DOCK11: variants seen among roughly 807,000 people sequenced by gnomAD.
DOCK11 encodes dedicator of cytokinesis protein 11.
In DOCK11, 70 loss-of-function variants were observed where a neutral mutation model predicts 169.1. That is an observed-to-expected ratio of 0.41 (90% confidence interval 0.34 to 0.51). The LOEUF is 0.51. DOCK11 is among the 20% of genes least tolerant of loss of function. The pLI is 0.10. For synonymous variants in DOCK11, 529 were observed against 541.3 expected (o/e 0.98, Z 0.32); for missense variants, 1,166 against 1,538.8 (o/e 0.76, Z 4.05).
chrX:118,606,315 C>T (rs774653606), intron 24 of DOCK11, among the ~76,000 whole-genome samples: 17 of 111,464 alleles, frequency 1.5e-4, no homozygotes, highest in East Asian at 8.4e-4. Context: ...GCGATCCATC[C>T]GCCTCGGCCT....
chrX:118,647,139 ATG>A (rs200211345), intron 40 of DOCK11, among the ~76,000 whole-genome samples: 15,440 of 84,930 alleles, frequency 0.18, 1,370 homozygotes, highest in East Asian at 0.24. Context: ...TGAAGAGGAT[ATG>A]TGTGTGTGTG....
At chrX:118,551,021 C>T (rs2012474910) in intron 6 of DOCK11, among the ~76,000 whole-genome samples, 1 of 111,763 alleles carries the variant, frequency 8.9e-6, no homozygotes, top group African/African-American at 3.3e-5. Flanking sequence ...GAGTTCCCTG[C>T]CCGCTAGGAA....
At chrX:118,531,567 T>A (rs866458793) in intron 1 of DOCK11, among the ~76,000 whole-genome samples, 1 of 106,527 alleles carries the variant, frequency 9.4e-6, no homozygotes, top group Admixed American at 1.0e-4. Flanking sequence ...ATATATATAT[T>A]GTTTTTTTGA....
intron 1 of DOCK11, among the ~76,000 whole-genome samples, chrX:118,506,698 A>C (rs969710981): frequency 8.9e-6 from 1 of 112,316 alleles, no homozygotes; most frequent in African/African-American, 3.2e-5. Context: ...CATACGTTTT[A>C]ATAGGAAATT....
At position 118,638,157 on chromosome X, in the gene DOCK11, T is replaced by C. The variant is rs373923945; in HGVS notation, c.4001+30T>C. ...TTCCCATAGCACTGCAATTTCTACT[T>C]TTTCCTTCTCTTCCAACAGAGGGCA... is the stretch of plus-strand genomic sequence containing the variant. On this transcript the variant is annotated intron_variant, in intron 37 of 52. Coordinates refer to ENST00000276202, the MANE Select transcript of DOCK11 (RefSeq NM_144658.4). The C allele has an allele frequency of 2.9e-5, 34 of 1,182,007 alleles. No individual in the cohort carries two copies. The Admixed American group carries it at 7.5e-4, about 26-fold the overall frequency.
intron 28 of DOCK11, 60 bp from the exon 29 acceptor site, chrX:118,614,632 T>C: frequency 2.3e-6 from 2 of 880,167 alleles, no homozygotes; most frequent in Non-Finnish European, 3.2e-6. Flanking sequence ...CTTTACATTT[T>C]TAAAATTTAG....
chrX:118,619,498 ATATAT>A (rs1212149757), intron 31 of DOCK11, among the ~76,000 whole-genome samples: 2 of 80,652 alleles, frequency 2.5e-5, no homozygotes, highest in East Asian at 4.2e-4. Context: ...AAAAAAAAAA[ATATAT>A]ATATATATAT....
intron 1 of DOCK11, among the ~76,000 whole-genome samples, chrX:118,528,360 C>A (rs954605631): frequency 1.8e-5 from 2 of 112,194 alleles, no homozygotes; most frequent in African/African-American, 6.5e-5. Flanking sequence ...TGATCCAGGG[C>A]TGGGGAGTGG....
intron 44 of DOCK11, among the ~76,000 whole-genome samples, chrX:118,661,260 A>G (rs1333963649): frequency 9.1e-6 from 1 of 110,134 alleles, no homozygotes; most frequent in Non-Finnish European, 1.9e-5. Flanking sequence ...CCCCTAGCAG[A>G]CTTTCATCTT....
intron 13 of DOCK11, among the ~76,000 whole-genome samples, chrX:118,579,233 T>C (rs1239016670): frequency 8.9e-6 from 1 of 112,125 alleles, no homozygotes; most frequent in Non-Finnish European, 1.9e-5. Flanking sequence ...TAAGTGGCAA[T>C]ATTAAAAGTT....
At chrX:118,521,313 C>T (rs894964634) in intron 1 of DOCK11, among the ~76,000 whole-genome samples, 13 of 111,911 alleles carry the variant, frequency 1.2e-4, no homozygotes, top group African/African-American at 4.2e-4. Flanking sequence ...TCATACCTAC[C>T]GCATAAGGTA....
chrX:118,597,010 C>T (rs1603102065), intron 20 of DOCK11, among the ~76,000 whole-genome samples: 1 of 112,029 alleles, frequency 8.9e-6, no homozygotes, highest in East Asian at 2.8e-4. Flanking sequence ...AGCCGTGAGA[C>T]TCTGCACTCT....
chrX:118,634,315 G>A (rs2015327045), intron 35 of DOCK11: 1 of 112,244 alleles, frequency 8.9e-6, no homozygotes, highest in African/African-American at 3.2e-5. Flanking sequence ...CCTGCATCAT[G>A]TTTCACAGAT....
At chrX:118,590,351 T>C in intron 19 of DOCK11, 49 bp downstream of exon 19, 2 of 987,439 alleles carry the variant, frequency 2.0e-6, no homozygotes, top group Non-Finnish European at 1.4e-6. Context: ...GTTGGAATTC[T>C]TTTTCTCTTT....
intron 1 of DOCK11, among the ~76,000 whole-genome samples, chrX:118,533,203 G>T (rs1004353712): frequency 9.0e-6 from 1 of 111,145 alleles, no homozygotes; most frequent in Non-Finnish European, 1.9e-5. Flanking sequence ...TGTTGGCCGG[G>T]CTGGTCTCTA....
At chrX:118,663,165 G>A (rs1450206841) in intron 45 of DOCK11, among the ~76,000 whole-genome samples, 3 of 111,930 alleles carry the variant, frequency 2.7e-5, no homozygotes, top group African/African-American at 9.7e-5. Context: ...ACACCACATG[G>A]ATAGAAAACA....
chrX:118,581,856 C>T (rs1160629554), intron 14 of DOCK11, among the ~76,000 whole-genome samples: 8 of 86,727 alleles, frequency 9.2e-5, no homozygotes, highest in Non-Finnish European at 6.7e-5. Flanking sequence ...TATTGGCCGG[C>T]CACAGTGGCT....
intron 1 of DOCK11, among the ~76,000 whole-genome samples, chrX:118,510,078 C>G (rs909633771): frequency 1.8e-4 from 20 of 112,384 alleles, no homozygotes; most frequent in Non-Finnish European, 3.2e-4. Context: ...TTTAATCATG[C>G]CTGCAAAGTC....
At chrX:118,647,935 A>T (rs2015788137) in intron 40 of DOCK11, among the ~76,000 whole-genome samples, 1 of 47,760 alleles carries the variant, frequency 2.1e-5, no homozygotes, top group Non-Finnish European at 3.4e-5. Flanking sequence ...AATAAATAAT[A>T]TATTTTATAA....
Sources: gnomAD v4.1 joint callset for allele counts (sites outside exome capture counted in the v4.1 genomes callset) on GRCh38, gnomAD v4.1.1 for gene constraint, MANE v1.5 for transcripts, NCBI Gene and HGNC (gene_info 2026-07-23, HGNC 2026-07-21) for gene names.